LPP: variants seen among roughly 807,000 people sequenced by gnomAD.
LPP encodes the protein LIM domain containing preferred translocation partner in lipoma.
LPP carries 38 observed loss-of-function variants against 60.4 expected under a neutral mutation model. That is an observed-to-expected ratio of 0.63 (90% confidence interval 0.49 to 0.83). The LOEUF is 0.83. Ranked by LOEUF, LPP falls within the 40% of genes least tolerant of loss-of-function variation. The probability of loss-of-function intolerance (pLI) is 0.00; values close to 1 mark genes in which losing one functional copy is unlikely to be tolerated. For synonymous variants in LPP, 328 were observed against 290.8 expected (o/e 1.13, Z -1.30); for missense variants, 902 against 783.6 (o/e 1.15, Z -1.80).
At chr3:188,673,818 G>A (rs1036122508) in intron 7 of LPP, among the ~76,000 whole-genome samples, 1 of 151,948 alleles carries the variant, frequency 6.6e-6, no homozygotes, top group African/African-American at 2.4e-5. Flanking sequence ...TGGAATATGA[G>A]CAGTACCAAT....
At position 188,194,477 on chromosome 3, in the gene LPP, G is replaced by A. The variant is rs573172507; in HGVS notation, c.-189-30928G>A. Among the ~76,000 whole-genome samples, 24 of 152,236 alleles carry A rather than the reference G, an allele frequency of 1.6e-4. 1 individual carries two copies. Among genetic ancestry groups the A allele is most frequent in the African/African-American group, 5.8e-4 (24 of 41,532 alleles). ...CCATCTCCCAGGCTCACTCCGTCCT[G>A]CCCAATCTGTTTACATCTCTACTTT... On this transcript the variant is annotated intron_variant, in intron 1 of 11. Transcript: ENST00000617246.
chr3:188,498,098 G>T (rs7630892), intron 5 of LPP, among the ~76,000 whole-genome samples: 89,034 of 152,014 alleles, frequency 0.59, 26,962 homozygotes, highest in Middle Eastern at 0.83. Flanking sequence ...TTCTGACAGC[G>T]TCTTCTACCT....
chr3:188,741,138 G>A (rs778616415), intron 8 of LPP, among the ~76,000 whole-genome samples: 2 of 149,636 alleles, frequency 1.3e-5, no homozygotes, highest in South Asian at 2.1e-4. Flanking sequence ...AGTATTTTCC[G>A]AAACGTGTTA....
intron 4 of LPP, among the ~76,000 whole-genome samples, chr3:188,416,648 T>C (rs1435983881): frequency 6.6e-6 from 1 of 152,198 alleles, no homozygotes; most frequent in East Asian, 1.9e-4. Context: ...GCATCTTTCA[T>C]GTTGCTATTC....
chr3:188,817,969 T>G (rs140103340), intron 9 of LPP, among the ~76,000 whole-genome samples: 2 of 152,324 alleles, frequency 1.3e-5, no homozygotes, highest in Non-Finnish European at 2.9e-5. Context: ...AGGGATCATA[T>G]TCTAAGGCGT....
At chr3:188,623,944 C>T (rs563622955) in intron 7 of LPP, among the ~76,000 whole-genome samples, 6 of 152,224 alleles carry the variant, frequency 3.9e-5, no homozygotes, top group South Asian at 2.1e-4. Context: ...ATGAATCAAC[C>T]GGCAAGGCGA....
chr3:188,283,177 T>A (rs1352812528), intron 2 of LPP, among the ~76,000 whole-genome samples: 1 of 152,164 alleles, frequency 6.6e-6, no homozygotes, highest in Non-Finnish European at 1.5e-5. Context: ...TGAAGTTAGG[T>A]CAGAATGTGC....
At chr3:188,416,704 T>C (rs1313776525) in intron 4 of LPP, among the ~76,000 whole-genome samples, 1 of 152,196 alleles carries the variant, frequency 6.6e-6, no homozygotes, top group Non-Finnish European at 1.5e-5. Flanking sequence ...TTTGCATATG[T>C]TGTCCTGGGT....
intron 2 of LPP, among the ~76,000 whole-genome samples, chr3:188,240,503 A>T (rs530665820): frequency 2.0e-5 from 3 of 152,276 alleles, no homozygotes; most frequent in South Asian, 2.1e-4. Context: ...TACGTACTGA[A>T]TTTGACTGCT....
chr3:188,632,415 G>C (rs1848000973), intron 7 of LPP, among the ~76,000 whole-genome samples: 3 of 152,198 alleles, frequency 2.0e-5, no homozygotes, highest in South Asian at 2.1e-4. Flanking sequence ...CTGGGAGATG[G>C]AAAGGCATTC....
chr3:188,805,524 AT>A (rs34665745), intron 9 of LPP, among the ~76,000 whole-genome samples: 37,130 of 148,566 alleles, frequency 0.25, 6,099 homozygotes, highest in East Asian at 0.81. Flanking sequence ...GTTTGTTGTG[AT>A]TTTTTTTTCA....
Position 188,699,525 on chromosome 3 carries a change from C to T in LPP, c.1114-8742C>T, listed in dbSNP as rs1265517649. 3.9e-5 allele frequency among the ~76,000 whole-genome samples: 6 copies of T among 152,152 alleles called. No homozygotes were observed. In the East Asian group the frequency reaches 5.8e-4, roughly 15 times the overall value. ...AGAGATTTTAAGAAAATCAAGATTT[C>T]GAAAGTTGAAGATCAACTGGGATGA... On this transcript the variant is annotated intron_variant, in intron 7 of 11. Coordinates refer to ENST00000617246, the MANE Select transcript of LPP (RefSeq NM_001375462.1).
intron 2 of LPP, among the ~76,000 whole-genome samples, chr3:188,294,116 C>T (rs1486673791): frequency 6.8e-6 from 1 of 147,444 alleles, no homozygotes; most frequent in Admixed American, 6.8e-5. Context: ...TTATATGATT[C>T]CATTTATGTG....
chr3:188,582,303 G>T (rs1225060331), intron 6 of LPP, among the ~76,000 whole-genome samples: 1 of 151,496 alleles, frequency 6.6e-6, no homozygotes, highest in Admixed American at 6.6e-5. Context: ...TGTGTCTACA[G>T]GTGTGCACCA....
In LPP at chr3:188,394,551, AGTGTGTGT is replaced by A. The variant is rs1209092729; in HGVS notation, c.-9-11536_-9-11529del. Among the ~76,000 whole-genome samples the A allele has an allele frequency of 4.6e-3, 676 of 146,990 alleles. 6 individuals are homozygous for A. The highest frequency in any genetic ancestry group is 6.2e-3 in the Non-Finnish European group (412 of 66,732). ...TTGCTACTTCTTTAAAAATATCTAA[AGTGTGTGT>A]GTGTGTGTGTGTGTGTGTGTGTGTA... On this transcript the variant is annotated intron_variant, in intron 3 of 11. Coordinates refer to ENST00000617246, the MANE Select transcript of LPP (RefSeq NM_001375462.1).
intron 2 of LPP, among the ~76,000 whole-genome samples, chr3:188,233,009 C>T (rs1720630773): frequency 6.6e-6 from 1 of 152,082 alleles, no homozygotes; most frequent in African/African-American, 2.4e-5. Flanking sequence ...GGAGATCACC[C>T]TTAGTTCTTT....
chr3:188,443,730 T>C (rs1247374632), intron 4 of LPP, among the ~76,000 whole-genome samples: 1 of 152,182 alleles, frequency 6.6e-6, no homozygotes, highest in African/African-American at 2.4e-5. Context: ...AAACAAGTGT[T>C]CCAGTTATAG....
intron 1 of LPP, among the ~76,000 whole-genome samples, chr3:188,172,692 TAC>T (rs1335806627): frequency 1.4e-4 from 21 of 152,318 alleles, no homozygotes; most frequent in African/African-American, 4.8e-4. Context: ...TGTCTTACAT[TAC>T]TATGGAACGT....
At chr3:188,834,536 C>A (rs1228855826) in intron 9 of LPP, among the ~76,000 whole-genome samples, 2 of 151,922 alleles carry the variant, frequency 1.3e-5, no homozygotes, top group Non-Finnish European at 2.9e-5. Flanking sequence ...ATCTTTGATC[C>A]TCTTCACCAA....
Sources: gnomAD v4.1 joint callset for allele counts (sites outside exome capture counted in the v4.1 genomes callset) on GRCh38, gnomAD v4.1.1 for gene constraint, MANE v1.5 for transcripts, NCBI Gene and HGNC (gene_info 2026-07-23, HGNC 2026-07-21) for gene names.